The following PELI2 variants were observed in gnomAD, a reference collection of about 807,000 sequenced individuals.
PELI2 encodes the protein E3 ubiquitin-protein ligase pellino homolog 2.
In PELI2, 23 loss-of-function variants were observed where a neutral mutation model predicts 42.3. The observed-to-expected ratio is 0.54, with a 90% CI of 0.39 to 0.77. The LOEUF (loss-of-function observed/expected upper bound fraction) is 0.77, where lower values mean the gene tolerates loss of function less well. Among genes scored for constraint, PELI2 ranks in the 30% least tolerant of loss-of-function variants. PELI2 has a pLI of 0.00. For missense variants in PELI2, 463 were observed against 553.2 expected, an observed-to-expected ratio of 0.84 and a Z score of 1.64; for synonymous variants, 245 against 212.2, an observed-to-expected ratio of 1.15 and a Z score of -1.34.
intron 1 of PELI2, among the ~76,000 whole-genome samples, chr14:56,161,182 G>C (rs1169697592): frequency 6.6e-6 from 1 of 152,156 alleles, no homozygotes; most frequent in African/African-American, 2.4e-5. Flanking sequence ...AAAGACATCA[G>C]AGTAGCATCC....
At chr14:56,158,146 GC>G (rs1330895880) in intron 1 of PELI2, among the ~76,000 whole-genome samples, 1 of 152,004 alleles carries the variant, frequency 6.6e-6, no homozygotes, top group Non-Finnish European at 1.5e-5. Context: ...TCCTGCCTCA[GC>G]CATCTTCCAA....
At position 56,296,702 on chromosome 14, in the gene PELI2, C is replaced by G; in HGVS notation, c.799C>G (p.Gln267Glu). The change falls in exon 6 of 6, where the codon CAG becomes GAG. Residue 267 changes from glutamine to glutamate, a missense_variant. Physicochemically the swap from Gln to Glu is conservative, Grantham distance 29. Coordinates refer to ENST00000267460, the MANE Select transcript of PELI2 (RefSeq NM_021255.3). ...AGATGGGCTTTTTCATACTCCAACT[C>G]AGAAGCACATAGAAGCCCTCCGGCA... The part of the protein sequence containing the change: ...TADGLFHTPT[Q>E]KHIEALRQEI... 1 of 1,614,138 alleles carries G rather than the reference C, an allele frequency of 6.2e-7. No individual in the cohort carries two copies. The highest frequency in any genetic ancestry group is 8.5e-7 in the Non-Finnish European group (1 of 1,179,984).
chr14:56,223,888 C>T (rs541840513), intron 2 of PELI2, among the ~76,000 whole-genome samples: 4 of 152,274 alleles, frequency 2.6e-5, no homozygotes, highest in African/African-American at 9.6e-5. Flanking sequence ...CAGTTCGTGT[C>T]ATATAATACT....
intron 2 of PELI2, among the ~76,000 whole-genome samples, chr14:56,250,553 T>C (rs1252011269): frequency 6.6e-6 from 1 of 152,058 alleles, no homozygotes; most frequent in African/African-American, 2.4e-5. Context: ...GGCAAACCAC[T>C]GATGTAAGTC....
chr14:56,138,068 A>G (rs1314304639), intron 1 of PELI2, among the ~76,000 whole-genome samples: 1 of 152,198 alleles, frequency 6.6e-6, no homozygotes, highest in Non-Finnish European at 1.5e-5. Context: ...GATGTGGGTC[A>G]GCCAGGCTGC....
intron 2 of PELI2, among the ~76,000 whole-genome samples, chr14:56,239,649 T>C (rs988096841): frequency 3.9e-5 from 6 of 152,276 alleles, no homozygotes; most frequent in Admixed American, 2.6e-4. Flanking sequence ...TGGATATGCA[T>C]ACAGACTAGA....
intron 3 of PELI2, among the ~76,000 whole-genome samples, chr14:56,283,595 G>C (rs938666877): frequency 6.6e-6 from 1 of 152,186 alleles, no homozygotes; most frequent in Non-Finnish European, 1.5e-5. Flanking sequence ...ATACTGATTT[G>C]TACCAACCTC....
chr14:56,218,126 A>G lies in PELI2; in HGVS notation c.207+39662A>G, dbSNP rs368548076. 1.4e-4 allele frequency among the ~76,000 whole-genome samples: 21 copies of G among 152,254 alleles called. 1 individual carries two copies. Among genetic ancestry groups the G allele is most frequent in the Admixed American group, 8.5e-4 (13 of 15,296 alleles). On this transcript the variant is annotated intron_variant, in intron 2 of 5. Coordinates refer to ENST00000267460, the MANE Select transcript of PELI2 (RefSeq NM_021255.3). ...TGGGGTTTGAGCCCTGTTTTGCTGGACTCCATAGCCAGTGGTCTACCAAAG... is the reference window on the plus strand; with the variant it reads ...TGGGGTTTGAGCCCTGTTTTGCTGGGCTCCATAGCCAGTGGTCTACCAAAG...
intron 2 of PELI2, among the ~76,000 whole-genome samples, chr14:56,181,867 TG>T (rs1566624142): frequency 4.0e-5 from 6 of 148,280 alleles, no homozygotes; most frequent in African/African-American, 7.4e-5. Context: ...TGTGTGTGTG[TG>T]TGTGTTTTTA....
At chr14:56,164,576 C>T (rs1267355644) in intron 1 of PELI2, among the ~76,000 whole-genome samples, 1 of 151,672 alleles carries the variant, frequency 6.6e-6, no homozygotes, top group Non-Finnish European at 1.5e-5. Context: ...GGAAAGTATT[C>T]CCTCCTCTAT....
chr14:56,179,105 A>G (rs1314049969), intron 2 of PELI2, among the ~76,000 whole-genome samples: 2 of 152,182 alleles, frequency 1.3e-5, no homozygotes, highest in Non-Finnish European at 2.9e-5. Context: ...TTTCTGATCT[A>G]TAAGTCGAGG....
chr14:56,256,902 A>G (rs1888544927), intron 2 of PELI2, among the ~76,000 whole-genome samples: 1 of 152,164 alleles, frequency 6.6e-6, no homozygotes, highest in South Asian at 2.1e-4. Flanking sequence ...AGTGTGTGCT[A>G]CTGGAAGTTG....
intron 1 of PELI2, among the ~76,000 whole-genome samples, chr14:56,125,195 CCATT>C (rs1196515674): frequency 6.6e-6 from 1 of 152,126 alleles, no homozygotes; most frequent in Non-Finnish European, 1.5e-5. Flanking sequence ...GTGTGATTGA[CCATT>C]CATTCAGTGA....
intron 1 of PELI2, among the ~76,000 whole-genome samples, chr14:56,161,411 A>C (rs1255323851): frequency 6.6e-6 from 1 of 151,592 alleles, no homozygotes; most frequent in African/African-American, 2.4e-5. Context: ...AGTAGCTGGG[A>C]CTACAGGTAC....
chr14:56,286,652 T>C (rs1889654108), intron 3 of PELI2, among the ~76,000 whole-genome samples: 1 of 152,178 alleles, frequency 6.6e-6, no homozygotes, highest in Non-Finnish European at 1.5e-5. Context: ...GTAGAGTTGA[T>C]CCAGTAGTCA....
chr14:56,292,810 A>G (rs183455361), intron 5 of PELI2: 1 of 960,722 alleles, frequency 1.0e-6, no homozygotes, highest in Admixed American at 6.2e-5. Context: ...CCCTGAATAA[A>G]TAGGTGAATG....
At chr14:56,237,047 A>G (rs553994021) in intron 2 of PELI2, among the ~76,000 whole-genome samples, 3 of 152,310 alleles carry the variant, frequency 2.0e-5, no homozygotes, top group African/African-American at 7.2e-5. Context: ...GTGAAAATCA[A>G]AGGAAAATTC....
At chr14:56,260,227 A>T (rs924553396) in intron 2 of PELI2, among the ~76,000 whole-genome samples, 2 of 152,124 alleles carry the variant, frequency 1.3e-5, no homozygotes, top group African/African-American at 2.4e-5. Context: ...AACCCCAGCT[A>T]TATTTGTGAA....
chr14:56,277,321 G>T (rs1422135130), intron 2 of PELI2, among the ~76,000 whole-genome samples: 1 of 152,018 alleles, frequency 6.6e-6, no homozygotes. Context: ...GATTGTCATA[G>T]GAGCACGAAC....
Sources: gnomAD v4.1 joint callset for allele counts (sites outside exome capture counted in the v4.1 genomes callset) on GRCh38, gnomAD v4.1.1 for gene constraint, MANE v1.5 for transcripts, NCBI Gene and HGNC (gene_info 2026-07-23, HGNC 2026-07-21) for gene names.